LZTFL1: variants seen among roughly 807,000 people sequenced by gnomAD.
The protein encoded by LZTFL1 is leucine zipper transcription factor like 1.
Under a neutral mutation model 45.9 loss-of-function variants are expected in LZTFL1, and 25 were observed. That is an observed-to-expected ratio of 0.54 (90% CI 0.40 to 0.76). The LOEUF (loss-of-function observed/expected upper bound fraction) is 0.76. LZTFL1 is among the 30% of genes least tolerant of loss of function. The probability of loss-of-function intolerance (pLI) is 0.00; values close to 1 mark genes in which losing one functional copy is unlikely to be tolerated. For missense variants in LZTFL1, 277 were observed against 331.1 expected (o/e 0.84, Z 1.27); for synonymous variants, 93 against 117.4 (o/e 0.79, Z 1.35).
In LZTFL1 at chr3:45,828,592, T is replaced by G. The variant is rs1559400866; in HGVS notation, c.624A>C (p.Leu208Phe). The change falls in exon 8 of 10, where the codon TTA becomes TTC. Residue 208 changes from leucine (L) to phenylalanine (F), a missense_variant. Leu to Phe is a conservative substitution (Grantham distance 22). Coordinates refer to ENST00000296135, the MANE Select transcript of LZTFL1 (RefSeq NM_020347.4). The part of the protein sequence containing the change: ...NQKDFIKAQD[L>F]SNLENTVAAL... ...CAGCGACAGTGTTTTCTAAGTTACTTAAGTCTTGGGCCTTTATAAAATCCT... is the reference window on the plus strand; with the variant it reads ...CAGCGACAGTGTTTTCTAAGTTACTGAAGTCTTGGGCCTTTATAAAATCCT... 6.8e-6 allele frequency: 11 copies of G among 1,613,858 alleles called. No homozygotes were observed. In the South Asian group the frequency reaches 1.2e-4, roughly 18 times the overall value.
At chr3:45,897,652 G>A (rs539565049) in intron 2 of LZTFL1, 9 of 1,517,506 alleles carry the variant, frequency 5.9e-6, no homozygotes, top group South Asian at 3.6e-5. Context: ...ACACAGCTAA[G>A]TGATGCTGGC....
chr3:45,910,707 T>A (rs1702779189), intron 2 of LZTFL1, among the ~76,000 whole-genome samples: 1 of 152,192 alleles, frequency 6.6e-6, no homozygotes, highest in Non-Finnish European at 1.5e-5. Context: ...CTCTTTTGGG[T>A]TCATTTGCAA....
At chr3:45,890,342 A>ATATATT (rs1386254966) in intron 2 of LZTFL1, among the ~76,000 whole-genome samples, 7 of 76,032 alleles carry the variant, frequency 9.2e-5, no homozygotes, top group African/African-American at 1.3e-4. Context: ...TATAACATAT[A>ATATATT]TATATAACAT....
chr3:45,901,129 T>C lies in LZTFL1; in HGVS notation c.-215+11991A>G. ...ATTGCTGCTGCTGACCAGTGGAAGTTCCAGACCTTCATGTGCAAGGTGGTC... is the reference window on the plus strand; with the variant it reads ...ATTGCTGCTGCTGACCAGTGGAAGTCCCAGACCTTCATGTGCAAGGTGGTC... On this transcript the variant is annotated intron_variant, in intron 2 of 4. Transcript: ENST00000472635. The surrounding 1 kb of genome is among the most constrained non-coding windows in gnomAD (Gnocchi z 4.3). 6.2e-7 allele frequency: 1 copy of C among 1,614,184 alleles called. No individual in the cohort carries two copies. The highest frequency in any genetic ancestry group is 8.5e-7 in the Non-Finnish European group (1 of 1,180,026).
chr3:45,886,214 T>C (rs1370012545), intron 2 of LZTFL1, among the ~76,000 whole-genome samples: 1 of 152,044 alleles, frequency 6.6e-6, no homozygotes, highest in Non-Finnish European at 1.5e-5. Flanking sequence ...TAAAGAAATC[T>C]CATCAGTGTG....
chr3:45,861,628 A>G (rs1454666741), intron 2 of LZTFL1, among the ~76,000 whole-genome samples: 2 of 152,214 alleles, frequency 1.3e-5, no homozygotes, highest in East Asian at 1.9e-4. Flanking sequence ...CTCTCTGTGC[A>G]TGTGTGTGTG....
At chr3:45,851,744 A>G (rs1701313025) in intron 4 of LZTFL1, among the ~76,000 whole-genome samples, 1 of 151,506 alleles carries the variant, frequency 6.6e-6, no homozygotes, top group Non-Finnish European at 1.5e-5. Context: ...ACACTTTGGG[A>G]GGCTGACGCG....
intron 4 of LZTFL1, chr3:45,854,457 C>A: frequency 6.5e-6 from 1 of 153,072 alleles, no homozygotes; most frequent in Non-Finnish European, 1.4e-5. Context: ...CACAGCTATT[C>A]AGGAGGCTGA....
intron 4 of LZTFL1, among the ~76,000 whole-genome samples, chr3:45,852,360 T>C (rs1483883109): frequency 6.6e-6 from 1 of 152,184 alleles, no homozygotes; most frequent in African/African-American, 2.4e-5. Context: ...ACCACAAAGA[T>C]GTATGTACAG....
chr3:45,885,665 T>C (rs544894270), intron 2 of LZTFL1, among the ~76,000 whole-genome samples: 6 of 152,378 alleles, frequency 3.9e-5, no homozygotes, highest in African/African-American at 1.2e-4. Flanking sequence ...ACTAGCTGCA[T>C]GTGGCTATTG....
At chr3:45,864,190 C>T (rs1353501124) in intron 2 of LZTFL1, among the ~76,000 whole-genome samples, 1 of 152,034 alleles carries the variant, frequency 6.6e-6, no homozygotes, top group East Asian at 1.9e-4. Context: ...TATCAAATTA[C>T]TGAGTAAAAG....
At chr3:45,877,740 A>AAT (rs1701772935) in intron 2 of LZTFL1, among the ~76,000 whole-genome samples, 3 of 144,348 alleles carry the variant, frequency 2.1e-5, no homozygotes, top group Non-Finnish European at 3.0e-5. Context: ...TTCATTTATT[A>AAT]GTTTTTTTTT....
intron 2 of LZTFL1, among the ~76,000 whole-genome samples, chr3:45,871,904 T>C (rs1176529965): frequency 6.6e-6 from 1 of 152,204 alleles, no homozygotes; most frequent in Non-Finnish European, 1.5e-5. Flanking sequence ...TAGAAATCCT[T>C]TCTATAGTGG....
At chr3:45,913,001 T>C (rs1258001834) in intron 2 of LZTFL1, 2 of 1,026,338 alleles carry the variant, frequency 1.9e-6, no homozygotes, top group East Asian at 5.3e-5. Flanking sequence ...AAGCTTTTTA[T>C]AAGTCATCAG....
At chr3:45,895,092 C>T in intron 2 of LZTFL1, 2 of 907,218 alleles carry the variant, frequency 2.2e-6, no homozygotes, top group Non-Finnish European at 3.6e-6. Flanking sequence ...TGGCAATGCG[C>T]ATTGCTGGGT....
At chr3:45,862,861 G>T (rs1421676849) in intron 2 of LZTFL1, among the ~76,000 whole-genome samples, 2 of 152,240 alleles carry the variant, frequency 1.3e-5, no homozygotes, top group Non-Finnish European at 2.9e-5. Context: ...TGTGGAGGGA[G>T]CACAGATATA....
chr3:45,888,264 C>T (rs1221022397), intron 2 of LZTFL1, among the ~76,000 whole-genome samples: 4 of 152,152 alleles, frequency 2.6e-5, no homozygotes, highest in Non-Finnish European at 5.9e-5. Flanking sequence ...GCAATGTTCC[C>T]TCCCCTCGTT....
chr3:45,880,511 G>C (rs201105005), intron 2 of LZTFL1, among the ~76,000 whole-genome samples: 2 of 151,950 alleles, frequency 1.3e-5, no homozygotes, highest in East Asian at 3.9e-4. Flanking sequence ...CAAAAAAAAA[G>C]GAAATCGGAT....
chr3:45,827,145 T>C (rs1294076622), intron 9 of LZTFL1: 1 of 534,314 alleles, frequency 1.9e-6, no homozygotes, highest in African/African-American at 1.9e-5. Context: ...TGTGTGAGTC[T>C]AAAGGCCTAG....
Sources: allele counts gnomAD v4.1 joint callset (sites outside exome capture counted in the v4.1 genomes callset), GRCh38; gene constraint gnomAD v4.1.1; non-coding constraint Gnocchi (gnomAD v3.1); transcripts MANE v1.5; gene names NCBI Gene and HGNC (gene_info 2026-07-23, HGNC 2026-07-21).